COPS5: variants seen among roughly 807,000 people sequenced by gnomAD.
The protein encoded by COPS5 is COP9 signalosome subunit 5, also known as COP9 signalosome complex subunit 5.
In COPS5, 8 loss-of-function variants were observed where a neutral mutation model predicts 44.4. The ratio of observed to expected loss-of-function variants is 0.18; its 90% CI spans 0.11 to 0.32. COPS5 has a LOEUF of 0.32. COPS5 is among the 10% of genes least tolerant of loss of function. The probability of loss-of-function intolerance (pLI) is 1.00; values close to 1 mark genes in which losing one functional copy is unlikely to be tolerated. For missense variants in COPS5, 159 were observed against 406.4 expected (o/e 0.39, Z 5.23); for synonymous variants, 122 against 142.8 (o/e 0.85, Z 1.04).
At chr8:67,059,531 T>G (rs1804556198) in intron 1 of COPS5, 86 bp from the exon 2 acceptor site, 3 of 974,462 alleles carry the variant, frequency 3.1e-6, no homozygotes, top group Non-Finnish European at 1.6e-6. Flanking sequence ...GAGTAAGTAT[T>G]GAAGGAATTT....
At chr8:67,053,757 A>C (rs1804454546) in intron 5 of COPS5, among the ~76,000 whole-genome samples, 1 of 151,686 alleles carries the variant, frequency 6.6e-6, no homozygotes, top group African/African-American at 2.4e-5. Context: ...CTGTAATCCC[A>C]GCACTTTGGG....
chr8:67,060,590 C>T (rs778007112), intron 1 of COPS5: 1 of 935,454 alleles, frequency 1.1e-6, no homozygotes, highest in South Asian at 1.4e-5. Context: ...CTATTACATA[C>T]ATTCTAGACG....
intron 2 of COPS5, 27 bp downstream of exon 2, chr8:67,059,184 C>T: frequency 6.4e-7 from 1 of 1,568,412 alleles, no homozygotes; most frequent in Admixed American, 1.7e-5. Flanking sequence ...CTTGCAATTA[C>T]TAAACTATAA....
At chr8:67,054,456 A>G (rs543219909) in intron 5 of COPS5, among the ~76,000 whole-genome samples, 1 of 152,188 alleles carries the variant, frequency 6.6e-6, no homozygotes, top group Non-Finnish European at 1.5e-5. Context: ...AATAATTAAC[A>G]CTAAACTTCT....
At chr8:67,043,829 A>C (rs1268607389) in intron 7 of COPS5, 1 of 152,224 alleles carries the variant, frequency 6.6e-6, no homozygotes, top group Non-Finnish European at 1.5e-5. Context: ...TACTCAGAAG[A>C]GATGCAATTC....
chr8:67,053,024 A>G (rs1265425602), intron 5 of COPS5, among the ~76,000 whole-genome samples: 1 of 151,972 alleles, frequency 6.6e-6, no homozygotes, highest in Non-Finnish European at 1.5e-5. Context: ...GAAGATGAGA[A>G]GAGACAGAGG....
chr8:67,056,490 TG>T, intron 5 of COPS5, 28 bp downstream of exon 5: 1 of 851,630 alleles, frequency 1.2e-6, no homozygotes, highest in Non-Finnish European at 1.9e-6. Context: ...TCACCGTGCC[TG>T]GCCCAGATAT....
At position 67,043,090 on chromosome 8, in the gene COPS5, A is replaced by G; in HGVS notation, c.*143T>C. ...AAATCAAAGGACAATTTCATTTTAAAGAGCTTTATTACAGGATATTAATAT... is the reference window on the plus strand; with the variant it reads ...AAATCAAAGGACAATTTCATTTTAAGGAGCTTTATTACAGGATATTAATAT... On this transcript the variant is annotated 3_prime_UTR_variant, in exon 8 of 8. Coordinates refer to ENST00000357849, the MANE Select transcript of COPS5 (RefSeq NM_006837.3). The G allele has an allele frequency of 2.1e-6, 1 of 484,944 alleles. No individual in the cohort carries two copies. The highest frequency in any genetic ancestry group is 3.7e-6 in the Non-Finnish European group (1 of 270,592). 30.0% of individuals were successfully genotyped at this position (484,944 alleles called of 1,614,324 possible).
intron 6 of COPS5, among the ~76,000 whole-genome samples, chr8:67,050,041 C>T (rs1804375396): frequency 1.3e-5 from 2 of 148,638 alleles, no homozygotes; most frequent in South Asian, 4.3e-4. Context: ...CACTCTTTCA[C>T]CTAGGCTGGA....
At chr8:67,048,708 T>G in intron 6 of COPS5, among the ~76,000 whole-genome samples, 1 of 134,666 alleles carries the variant, frequency 7.4e-6, no homozygotes, top group South Asian at 2.3e-4. Flanking sequence ...AGAGTGAGAC[T>G]CCATCTCAAA....
At chr8:67,056,086 A>G (rs1585714429) in intron 5 of COPS5, among the ~76,000 whole-genome samples, 1 of 152,306 alleles carries the variant, frequency 6.6e-6, no homozygotes, top group Admixed American at 6.5e-5. Context: ...TGTAGGCCAA[A>G]TATCTTGTAC....
intron 2 of COPS5, among the ~76,000 whole-genome samples, chr8:67,058,781 A>G (rs1188081578): frequency 1.3e-5 from 2 of 152,130 alleles, no homozygotes; most frequent in Non-Finnish European, 1.5e-5. Flanking sequence ...GAGGTGGTGG[A>G]TCACCTGAGG....
In COPS5 at chr8:67,059,433, A is replaced by G. The variant is rs749827123; in HGVS notation, c.156T>C (p.Phe52=). The G allele has an allele frequency of 4.5e-5, 73 of 1,612,486 alleles. No homozygotes were observed. The South Asian group carries it at 7.4e-4, about 16-fold the overall frequency. ...CCAATGCTGAGATTTTGCAGTACTT[A>G]AAGTAATGGTGACTGCAAAACAAAA... ...AKPWTKDHHY[F]KYCKISALAL... The change falls in exon 2 of 8, where the codon TTT becomes TTC. Residue 52 remains phenylalanine (F), a synonymous_variant. Coordinates refer to ENST00000357849, the MANE Select transcript of COPS5 (RefSeq NM_006837.3).
intron 1 of COPS5, chr8:67,061,484 C>T: frequency 2.3e-6 from 1 of 431,504 alleles, no homozygotes; most frequent in South Asian, 1.7e-5. Context: ...GGGCTGCTGA[C>T]TCGATTTCTG....
At position 67,043,223 on chromosome 8, in the gene COPS5, C is replaced by A; in HGVS notation, c.*10G>T. 6.8e-7 allele frequency: 1 copy of A among 1,467,446 alleles called. No homozygotes were observed. Among genetic ancestry groups the A allele is most frequent in the South Asian group, 1.2e-5 (1 of 84,834 alleles). The allele number at this position is 1,467,446 out of a possible 1,614,324, so 90.9% of individuals were successfully genotyped here. A position where few individuals can be genotyped will look rare whatever the true frequency, so the allele number is the denominator to read the frequency against. On this transcript the variant is annotated 3_prime_UTR_variant, in exon 8 of 8. Coordinates refer to ENST00000357849, the MANE Select transcript of COPS5 (RefSeq NM_006837.3). ...ACTGTCTTTCAGGTAAAGTACTTCT[C>A]AGAGACTGTTTAAGAGATGTTAATT...
At chr8:67,047,180 T>C (rs1268130729) in intron 6 of COPS5, among the ~76,000 whole-genome samples, 1 of 152,224 alleles carries the variant, frequency 6.6e-6, no homozygotes, top group Admixed American at 6.5e-5. Flanking sequence ...AAAAGTAGTA[T>C]GTCGTTCTAT....
At chr8:67,047,281 G>A (rs1000577943) in intron 6 of COPS5, among the ~76,000 whole-genome samples, 2 of 152,158 alleles carry the variant, frequency 1.3e-5, no homozygotes, top group Non-Finnish European at 2.9e-5. Context: ...TCTTTAAAAT[G>A]CTACCAGTTC....
intron 3 of COPS5, 87 bp from the exon 4 acceptor site, chr8:67,057,532 A>G: frequency 1.2e-6 from 1 of 810,142 alleles, no homozygotes; most frequent in Non-Finnish European, 2.0e-6. Context: ...GTATACATAC[A>G]TATAACACTA....
At chr8:67,045,346 T>TG (rs1297646138) in intron 7 of COPS5, 1 of 152,810 alleles carries the variant, frequency 6.5e-6, no homozygotes, top group African/African-American at 2.4e-5. Flanking sequence ...CCCAGTTACT[T>TG]GGGAGGCTGA....
Sources: gnomAD v4.1 joint callset for allele counts (sites outside exome capture counted in the v4.1 genomes callset) on GRCh38, gnomAD v4.1.1 for gene constraint, MANE v1.5 for transcripts, NCBI Gene and HGNC (gene_info 2026-07-23, HGNC 2026-07-21) for gene names.